Variants in WSCD1 observed in about 807,000 individuals in gnomAD.
WSCD1 encodes sialate:O-sulfotransferase 1.
WSCD1 carries 41 observed loss-of-function variants against 60.4 expected under a neutral mutation model. The ratio of observed to expected loss-of-function variants is 0.68; its 90% confidence interval spans 0.53 to 0.88. The LOEUF (loss-of-function observed/expected upper bound fraction) is 0.88. Ranked by LOEUF, WSCD1 falls within the 40% of genes least tolerant of loss-of-function variation. The pLI is 0.00. For missense variants in WSCD1, 784 were observed against 796.2 expected, an observed-to-expected ratio of 0.98 and a Z score of 0.18; for synonymous variants, 361 against 332.5, an observed-to-expected ratio of 1.09 and a Z score of -0.93.
chr17:6,075,625 T>G lies in WSCD1; in HGVS notation c.-288-4746T>G, dbSNP rs1908803744. ...CAGAAGCCCATTTGTTCTGTTACTC[T>G]CTTCTCATGCTTGACAGGGAACTCA... On this transcript the variant is annotated intron_variant, in intron 1 of 8. Coordinates refer to ENST00000317744, the MANE Select transcript of WSCD1 (RefSeq NM_015253.2). The surrounding 1 kb of genome is among the most constrained non-coding windows in gnomAD (Gnocchi z 4.1). Among the ~76,000 whole-genome samples, 1 of 152,178 alleles carries G rather than the reference T, an allele frequency of 6.6e-6. No homozygotes were observed.
At chr17:6,078,097 CACTGCCCTG>C (rs1418558078) in intron 1 of WSCD1, 1 of 152,274 alleles carries the variant, frequency 6.6e-6, no homozygotes, top group Non-Finnish European at 1.5e-5. Context: ...TTTGAGATTT[CACTGCCCTG>C]ACTCCATAGG....
At position 6,080,974 on chromosome 17, in the gene WSCD1, A is replaced by C. The variant is rs1437924303; in HGVS notation, c.316A>C (p.Asn106His). ...RPGPRWLRSR[N>H]SELRQLRRRW... is the part of the protein sequence containing the mutation. ...CGGCCCCCGCTGGCTCCGGAGCCGC[A>C]ACTCGGAGCTGCGTCAGTTGCGTCG... Residue 106 changes from asparagine to histidine, a missense_variant, in exon 2 of 9, where the codon AAC becomes CAC. By Grantham distance (68) the Asn-to-His change is moderately conservative (BLOSUM62 1). Coordinates refer to ENST00000317744, the MANE Select transcript of WSCD1 (RefSeq NM_015253.2). This position sits in a 1 kb window ranked among gnomAD's most constrained non-coding sequence, Gnocchi z 6.6. 1.3e-6 allele frequency: 2 copies of C among 1,552,134 alleles called. No homozygotes were observed. The highest frequency in any genetic ancestry group is 3.9e-5 in the Admixed American group (2 of 51,522).
chr17:6,099,054 GC>G (rs1910629601), intron 5 of WSCD1, among the ~76,000 whole-genome samples: 1 of 110,858 alleles, frequency 9.0e-6, no homozygotes, highest in African/African-American at 2.8e-5. Flanking sequence ...AGGTGGCCCA[GC>G]GTGCAGGGTT....
intron 3 of WSCD1, 88 bp downstream of exon 3, chr17:6,088,192 T>C (rs1909786810): frequency 2.6e-6 from 3 of 1,148,578 alleles, no homozygotes; most frequent in East Asian, 2.4e-5. Flanking sequence ...AGCTACCAGT[T>C]GGCTGTCATA....
chr17:6,117,374 A>G (rs1167674201), intron 7 of WSCD1, among the ~76,000 whole-genome samples: 4 of 152,244 alleles, frequency 2.6e-5, no homozygotes, highest in Non-Finnish European at 5.9e-5. Flanking sequence ...GCCCTGTCAT[A>G]GAACCATGGC....
chr17:6,094,969 C>G, intron 4 of WSCD1, 133 bp from the exon 5 acceptor site: 1 of 1,383,138 alleles, frequency 7.2e-7, no homozygotes. Flanking sequence ...GGGCCGTTTT[C>G]CCTCCCTGAT....
chr17:6,117,871 C>A, intron 7 of WSCD1, 117 bp from the exon 8 acceptor site: 1 of 1,044,444 alleles, frequency 9.6e-7, no homozygotes, highest in Non-Finnish European at 1.4e-6. Flanking sequence ...TCCTCTGTGT[C>A]TTCCATGGGC....
intron 7 of WSCD1, among the ~76,000 whole-genome samples, chr17:6,116,528 G>T (rs1911691967): frequency 6.6e-6 from 1 of 152,194 alleles, no homozygotes; most frequent in Non-Finnish European, 1.5e-5. Context: ...AGAGGCGGAG[G>T]CAGTATGGAA....
chr17:6,124,170 G>A lies in WSCD1; in HGVS notation c.*3509G>A, dbSNP rs1247946686. On this transcript the variant is annotated 3_prime_UTR_variant, in exon 9 of 9. Transcript: ENST00000317744. ...ATTTCAAGACTTATGGGAATGCTGG[G>A]TAGAAGCTGTTTTAATTCCCCTGTT... 3 of 152,218 alleles carry A rather than the reference G, an allele frequency of 2.0e-5. No homozygotes were observed. Among genetic ancestry groups the A allele is most frequent in the Non-Finnish European group, 4.4e-5 (3 of 68,042 alleles). The allele number at this position is 152,218 out of a possible 1,614,324, so 9.4% of individuals were successfully genotyped here. A position where few individuals can be genotyped will look rare whatever the true frequency, so the allele number is the denominator to read the frequency against.
In WSCD1 at chr17:6,120,475, G is replaced by C; in HGVS notation, c.1542G>C (p.Glu514Asp). ...MVAFLNVSVS[E>D]ERLLCVENNK... ...CCTTCCTCAACGTGTCTGTGAGCGA[G>C]GAGCGGCTGCTCTGCGTGGAGAACA... Residue 514 changes from glutamate to aspartate, a missense_variant, in exon 9 of 9, where the codon GAG becomes GAC. Physicochemically the swap from Glu to Asp is conservative, Grantham distance 45. Coordinates refer to ENST00000317744, the MANE Select transcript of WSCD1 (RefSeq NM_015253.2). The C allele has an allele frequency of 6.2e-7, 1 of 1,614,002 alleles. No individual in the cohort carries two copies. Among genetic ancestry groups the C allele is most frequent in the Non-Finnish European group, 8.5e-7 (1 of 1,179,990 alleles).
At chr17:6,099,781 A>G (rs962002161) in intron 5 of WSCD1, among the ~76,000 whole-genome samples, 4 of 152,082 alleles carry the variant, frequency 2.6e-5, no homozygotes, top group African/African-American at 9.7e-5. Context: ...ATCCCAATAT[A>G]AGCAGCCACT....
chr17:6,082,908 T>A (rs1909371329), intron 2 of WSCD1, among the ~76,000 whole-genome samples: 2 of 152,118 alleles, frequency 1.3e-5, no homozygotes, highest in Admixed American at 1.3e-4. Flanking sequence ...GACTGACTGG[T>A]AGCTCAGTCA....
chr17:6,090,235 T>C, intron 3 of WSCD1, 86 bp from the exon 4 acceptor site: 2 of 1,330,810 alleles, frequency 1.5e-6, no homozygotes, highest in Non-Finnish European at 1.0e-6. Flanking sequence ...CTTTCTAATC[T>C]ACATCAAGCT....
At position 6,110,621 on chromosome 17, in the gene WSCD1, A is replaced by G; in HGVS notation, c.1010-150A>G. 1 of 1,066,892 alleles carries G rather than the reference A, an allele frequency of 9.4e-7. No homozygotes were observed. The highest frequency in any genetic ancestry group is 1.4e-6 in the Non-Finnish European group (1 of 736,450). The allele number at this position is 1,066,892 out of a possible 1,614,324, so 66.1% of individuals were successfully genotyped here. Reference sequence around the variant, plus strand: ...CCACAGACCTGTGCAGCTAAGGTATATTTGGAAGATCTCTTCCCTTCTTTG... The same window carrying G: ...CCACAGACCTGTGCAGCTAAGGTATGTTTGGAAGATCTCTTCCCTTCTTTG... On this transcript the variant is annotated intron_variant, in intron 6 of 8. Coordinates refer to ENST00000317744, the MANE Select transcript of WSCD1 (RefSeq NM_015253.2). The surrounding 1 kb of genome is among the most constrained non-coding windows in gnomAD (Gnocchi z 4.8).
At chr17:6,105,915 C>G (rs762060561) in intron 5 of WSCD1, among the ~76,000 whole-genome samples, 1 of 152,194 alleles carries the variant, frequency 6.6e-6, no homozygotes, top group Non-Finnish European at 1.5e-5. Context: ...TTTCTTTTCC[C>G]TCATGCCTGT....
At chr17:6,114,638 T>C (rs1454609457) in intron 7 of WSCD1, among the ~76,000 whole-genome samples, 1 of 152,144 alleles carries the variant, frequency 6.6e-6, no homozygotes, top group East Asian at 1.9e-4. Context: ...ACACTTATCA[T>C]GCATCAGTTT....
Position 6,109,637 on chromosome 17 carries a change from G to T in WSCD1, c.880G>T (p.Glu294Ter). 1 of 1,614,044 alleles carries T rather than the reference G, an allele frequency of 6.2e-7. No individual in the cohort carries two copies. Among genetic ancestry groups the T allele is most frequent in the Non-Finnish European group, 8.5e-7 (1 of 1,179,966 alleles). ...CCCCTTGGCCATTCTCAGGGGCTGG[G>T]AATGCTACTGTGCTTACCCTACCCC... ...EFPLAILRGW[E>*]CYCAYPTPRF... Residue 294 changes from glutamate to a stop codon, truncating the protein, a stop_gained, in exon 6 of 9, where the codon GAA becomes TAA. Coordinates refer to ENST00000317744, the MANE Select transcript of WSCD1 (RefSeq NM_015253.2). LOFTEE classifies it high-confidence loss of function.
At position 6,120,598 on chromosome 17, in the gene WSCD1, G is replaced by C; in HGVS notation, c.1665G>C (p.Thr555=). 1.2e-6 allele frequency: 2 copies of C among 1,613,538 alleles called. No individual in the cohort carries two copies. The highest frequency in any genetic ancestry group is 1.7e-6 in the Non-Finnish European group (2 of 1,179,980). The change falls in exon 9 of 9, where the codon ACG becomes ACC. Residue 555 remains threonine, a synonymous_variant. Transcript: ENST00000317744. ...ACTTGATCAATGGCTACATCCGGAC[G>C]GTGGACCAAGCCCTGCGTGACCACA... The part of the protein sequence containing the change: ...MKDLINGYIR[T]VDQALRDHNW...
Position 6,080,768 on chromosome 17 carries a change from G to A in WSCD1, c.110G>A (p.Arg37Gln), listed in dbSNP as rs776825776. 5.0e-5 allele frequency: 81 copies of A among 1,611,832 alleles called. No individual in the cohort carries two copies. The highest frequency in any genetic ancestry group is 6.0e-5 in the Non-Finnish European group (71 of 1,179,468). The change falls in exon 2 of 9, where the codon CGG (arginine) becomes CAG (glutamine). Residue 37 changes from arginine (R) to glutamine (Q), a missense_variant. By Grantham distance (43) the Arg-to-Gln change is conservative. Transcript: ENST00000317744. This position sits in a 1 kb window ranked among gnomAD's most constrained non-coding sequence, Gnocchi z 6.6. ...LMTGSLLLLQ[R>Q]VRVALPQGPR... ...ACCGGCAGCCTGCTGCTGCTGCAGCGGGTCCGCGTGGCTCTCCCACAGGGC... is the reference window on the plus strand; with the variant it reads ...ACCGGCAGCCTGCTGCTGCTGCAGCAGGTCCGCGTGGCTCTCCCACAGGGC...
Sources: gnomAD v4.1 joint callset for allele counts (sites outside exome capture counted in the v4.1 genomes callset) on GRCh38, gnomAD v4.1.1 for gene constraint, Gnocchi (gnomAD v3.1) non-coding constraint, MANE v1.5 for transcripts, NCBI Gene and HGNC (gene_info 2026-07-23, HGNC 2026-07-21) for gene names.